Variants in CBFB observed in about 807,000 individuals in gnomAD.
CBFB encodes the protein core-binding factor subunit beta.
A neutral mutation model predicts 30.4 loss-of-function variants in CBFB; 9 were observed. That is an observed-to-expected ratio of 0.30 (90% CI 0.18 to 0.52). CBFB has a LOEUF of 0.52. Among genes scored for constraint, CBFB ranks in the 20% least tolerant of loss-of-function variants. CBFB has a pLI of 0.97. For missense variants in CBFB, 170 were observed against 244.0 expected, an observed-to-expected ratio of 0.70 and a Z score of 2.02; for synonymous variants, 94 against 84.0, an observed-to-expected ratio of 1.12 and a Z score of -0.65.
In CBFB at chr16:67,100,352, T is replaced by C. The variant is rs1343550348; in HGVS notation, c.*1574T>C. 6 of 221,524 alleles carry C rather than the reference T, an allele frequency of 2.7e-5. No homozygotes were observed. The Admixed American group carries it at 3.5e-4, about 13-fold the overall frequency. The allele number at this position is 221,524 out of a possible 1,614,324, so 13.7% of individuals were successfully genotyped here. A position where few individuals can be genotyped will look rare whatever the true frequency, so the allele number is the denominator to read the frequency against. Reference sequence around the variant, plus strand: ...ATATAGGTCTTATTTCATAAACAGATATCCTGTATCAAATAAAAGTATTTG... The same window carrying C: ...ATATAGGTCTTATTTCATAAACAGACATCCTGTATCAAATAAAAGTATTTG... On this transcript the variant is annotated 3_prime_UTR_variant, in exon 6 of 6. Transcript: ENST00000412916.
chr16:67,069,051 C>G (rs1399903669), intron 4 of CBFB, among the ~76,000 whole-genome samples: 1 of 152,118 alleles, frequency 6.6e-6, no homozygotes, highest in African/African-American at 2.4e-5. Context: ...CCCATCTCTA[C>G]TAAAAATACA....
At chr16:67,067,462 G>A (rs1961093717) in intron 4 of CBFB, among the ~76,000 whole-genome samples, 1 of 152,214 alleles carries the variant, frequency 6.6e-6, no homozygotes, top group Admixed American at 6.5e-5. Flanking sequence ...AGATTGCGGT[G>A]AGCCGAGATT....
At chr16:67,036,890 T>C (rs1018980858) in intron 3 of CBFB, 135 bp downstream of exon 3, 17 of 624,364 alleles carry the variant, frequency 2.7e-5, no homozygotes, top group African/African-American at 1.3e-4. Context: ...TTCCATGTTA[T>C]AAGGATGTAA....
chr16:67,072,603 G>T (rs1961258062), intron 4 of CBFB, among the ~76,000 whole-genome samples: 1 of 151,544 alleles, frequency 6.6e-6, no homozygotes, highest in Non-Finnish European at 1.5e-5. Flanking sequence ...AGTAGCTGGG[G>T]TTACAGGCAT....
At chr16:67,081,809 G>A (rs1013130801) in intron 4 of CBFB, among the ~76,000 whole-genome samples, 4 of 151,668 alleles carry the variant, frequency 2.6e-5, no homozygotes, top group African/African-American at 4.8e-5. Context: ...GTAACAGAGC[G>A]GGATGCTGTT....
At chr16:67,052,321 G>A (rs1477044016) in intron 3 of CBFB, among the ~76,000 whole-genome samples, 2 of 152,156 alleles carry the variant, frequency 1.3e-5, no homozygotes, top group Non-Finnish European at 2.9e-5. Flanking sequence ...TGTAATCCTA[G>A]CACTTTGGGA....
chr16:67,084,880 T>C (rs1258275797), intron 5 of CBFB, among the ~76,000 whole-genome samples: 1 of 152,180 alleles, frequency 6.6e-6, no homozygotes, highest in Non-Finnish European at 1.5e-5. Flanking sequence ...GACAGCTTAC[T>C]TCACTTTTCT....
At position 67,030,377 on chromosome 16, in the gene CBFB, C is replaced by G. The variant is rs902761598; in HGVS notation, c.165+564C>G. The stretch of plus-strand genomic sequence containing the variant: ...GAGAATCAGAAAGAAACCATTATCC[C>G]CATGTCCTGAGTAGGGCTGCTGTTC... On this transcript the variant is annotated intron_variant, in intron 2 of 5. Transcript: ENST00000412916. 2.0e-5 allele frequency among the ~76,000 whole-genome samples: 3 copies of G among 152,104 alleles called. No homozygotes were observed. The South Asian group carries it at 6.3e-4, about 32-fold the overall frequency.
At chr16:67,049,637 G>A (rs945740302) in intron 3 of CBFB, among the ~76,000 whole-genome samples, 3 of 151,890 alleles carry the variant, frequency 2.0e-5, no homozygotes, top group South Asian at 2.1e-4. Flanking sequence ...ACATGCCACC[G>A]CACCAGCTGT....
chr16:67,070,018 T>G (rs1159666528), intron 4 of CBFB, among the ~76,000 whole-genome samples: 1 of 152,180 alleles, frequency 6.6e-6, no homozygotes, highest in Non-Finnish European at 1.5e-5. Flanking sequence ...TAAAAGCACC[T>G]GATTATTAGC....
At chr16:67,082,146 CAAAA>C (rs1961576495) in intron 4 of CBFB, 63 bp from the exon 5 acceptor site, 6 of 826,852 alleles carry the variant, frequency 7.3e-6, no homozygotes, top group East Asian at 3.6e-5. Flanking sequence ...AAAAAAAAAA[CAAAA>C]CCCAAATATT....
chr16:67,079,885 G>T (rs1222139878), intron 4 of CBFB, among the ~76,000 whole-genome samples: 1 of 152,104 alleles, frequency 6.6e-6, no homozygotes, highest in Non-Finnish European at 1.5e-5. Flanking sequence ...AGTGGCTTAC[G>T]CCTATAAGCC....
At chr16:67,062,851 C>T (rs1026879648) in intron 3 of CBFB, among the ~76,000 whole-genome samples, 1 of 151,928 alleles carries the variant, frequency 6.6e-6, no homozygotes, top group Non-Finnish European at 1.5e-5. Context: ...ATCTTCAATT[C>T]TAAAGAATAT....
intron 3 of CBFB, among the ~76,000 whole-genome samples, chr16:67,062,130 G>A (rs116753840): frequency 0.063 from 9,594 of 152,112 alleles, 487 homozygotes; most frequent in African/African-American, 0.13. Flanking sequence ...TTATAAATAA[G>A]TAATAAATGG....
intron 4 of CBFB, among the ~76,000 whole-genome samples, chr16:67,068,101 A>T (rs960380524): frequency 1.3e-5 from 2 of 152,208 alleles, no homozygotes; most frequent in Admixed American, 6.5e-5. Context: ...CTGCTGACTC[A>T]AGATGTTTGG....
chr16:67,078,637 T>C (rs1961471615), intron 4 of CBFB, among the ~76,000 whole-genome samples: 2 of 152,168 alleles, frequency 1.3e-5, no homozygotes, highest in African/African-American at 4.8e-5. Context: ...GCTGCAAATA[T>C]TAATAATGAT....
At chr16:67,092,698 C>CTCTTTTTTT (rs1961925973) in intron 5 of CBFB, among the ~76,000 whole-genome samples, 5 of 33,528 alleles carry the variant, frequency 1.5e-4, no homozygotes, top group African/African-American at 5.7e-4. Context: ...GTGGTGCAAT[C>CTCTTTTTTT]TTTTTTTTTT....
At chr16:67,098,041 A>G (rs1189821017) in intron 5 of CBFB, among the ~76,000 whole-genome samples, 1 of 152,246 alleles carries the variant, frequency 6.6e-6, no homozygotes, top group Non-Finnish European at 1.5e-5. Context: ...GTTTGCTTCT[A>G]AGGCACTTGG....
At chr16:67,097,311 C>T (rs891659162) in intron 5 of CBFB, among the ~76,000 whole-genome samples, 1 of 151,712 alleles carries the variant, frequency 6.6e-6, no homozygotes, top group Non-Finnish European at 1.5e-5. Flanking sequence ...TTTGGGAGGC[C>T]GAGGCGGGCA....
Sources: allele counts gnomAD v4.1 joint callset (sites outside exome capture counted in the v4.1 genomes callset), GRCh38; gene constraint gnomAD v4.1.1; transcripts MANE v1.5; gene names NCBI Gene and HGNC (gene_info 2026-07-23, HGNC 2026-07-21).